Variants in DLGAP2 observed in about 807,000 individuals in gnomAD.
The protein encoded by DLGAP2 is disks large-associated protein 2.
In DLGAP2, 26 loss-of-function variants were observed where a neutral mutation model predicts 100.3. The ratio of observed to expected loss-of-function variants is 0.26; its 90% CI spans 0.19 to 0.36. DLGAP2 has a LOEUF of 0.36. Among genes scored for constraint, DLGAP2 ranks in the 10% least tolerant of loss-of-function variants. DLGAP2 has a pLI of 1.00. For missense variants in DLGAP2, 1,858 were observed against 1,453.2 expected (o/e 1.28, Z -4.53); for synonymous variants, 886 against 630.1 (o/e 1.41, Z -6.08).
intron 10 of DLGAP2, among the ~76,000 whole-genome samples, chr8:1,674,225 T>G (rs924227545): frequency 6.6e-6 from 1 of 152,156 alleles, no homozygotes; most frequent in Non-Finnish European, 1.5e-5. Context: ...TTTCTTTTTT[T>G]GTAGAGATGG....
At chr8:1,560,957 G>A (rs1369919731) in intron 5 of DLGAP2, among the ~76,000 whole-genome samples, 2 of 152,168 alleles carry the variant, frequency 1.3e-5, no homozygotes, top group African/African-American at 4.8e-5. Flanking sequence ...ACCCGATATG[G>A]TTTGTGTCCC....
intron 2 of DLGAP2, among the ~76,000 whole-genome samples, chr8:1,203,309 A>T (rs1310784604): frequency 6.7e-6 from 1 of 149,096 alleles, no homozygotes; most frequent in African/African-American, 2.5e-5. Context: ...AATCCATGAG[A>T]CTGGCGTGTC....
At chr8:779,189 C>A (rs1413973736) in intron 1 of DLGAP2, among the ~76,000 whole-genome samples, 1 of 152,258 alleles carries the variant, frequency 6.6e-6, no homozygotes, top group Non-Finnish European at 1.5e-5. Flanking sequence ...ATGCCTCGCC[C>A]TGCTTCGGCT....
chr8:1,225,109 G>A (rs1020555787), intron 2 of DLGAP2, among the ~76,000 whole-genome samples: 24 of 152,162 alleles, frequency 1.6e-4, no homozygotes, highest in African/African-American at 5.5e-4. Context: ...CTGGAAATAG[G>A]TGCCCAAACC....
At chr8:1,271,367 G>A (rs1015281461) in intron 3 of DLGAP2, among the ~76,000 whole-genome samples, 6 of 152,114 alleles carry the variant, frequency 3.9e-5, no homozygotes, top group African/African-American at 1.4e-4. Context: ...CACAATGCAT[G>A]GCACACACTG....
intron 1 of DLGAP2, among the ~76,000 whole-genome samples, chr8:826,358 T>A (rs1253797856): frequency 6.6e-6 from 1 of 152,214 alleles, no homozygotes; most frequent in Non-Finnish European, 1.5e-5. Flanking sequence ...TTCATTGTTG[T>A]GTTTATGTTC....
chr8:1,003,450 C>T (rs888170277), intron 2 of DLGAP2: 2 of 152,196 alleles, frequency 1.3e-5, no homozygotes, highest in Non-Finnish European at 2.9e-5. Context: ...CTAATATATC[C>T]ATGGGTGGAT....
intron 2 of DLGAP2, among the ~76,000 whole-genome samples, chr8:1,193,090 G>A (rs1047523451): frequency 3.3e-5 from 5 of 152,076 alleles, no homozygotes; most frequent in African/African-American, 1.2e-4. Context: ...CATTTGGGTT[G>A]CTTCCAAGTC....
intron 4 of DLGAP2, among the ~76,000 whole-genome samples, chr8:1,509,309 A>G (rs1435602537): frequency 3.4e-5 from 5 of 147,226 alleles, no homozygotes; most frequent in African/African-American, 1.3e-4. Context: ...CCGGCCTGGC[A>G]ACAGAGCAAG....
intron 3 of DLGAP2, among the ~76,000 whole-genome samples, chr8:1,452,093 T>C (rs575093068): frequency 4.6e-5 from 7 of 152,368 alleles, no homozygotes; most frequent in African/African-American, 1.7e-4. Flanking sequence ...CTGGGCATGG[T>C]TGTAGCGAAC....
intron 2 of DLGAP2, among the ~76,000 whole-genome samples, chr8:1,017,455 T>C (rs796457532): frequency 0.021 from 353 of 17,128 alleles, 10 homozygotes; most frequent in East Asian, 0.096. Flanking sequence ...GGACAGACGG[T>C]GCCTCCACTG....
At chr8:855,699 C>T (rs17667079) in intron 1 of DLGAP2, among the ~76,000 whole-genome samples, 16,426 of 152,120 alleles carry the variant, frequency 0.11, 1,364 homozygotes, top group Admixed American at 0.26. Context: ...TTTTGAGGCC[C>T]TACAAAACAG....
At chr8:1,528,406 A>G (rs1310173184) in intron 4 of DLGAP2, among the ~76,000 whole-genome samples, 2 of 152,200 alleles carry the variant, frequency 1.3e-5, no homozygotes, top group Non-Finnish European at 2.9e-5. Flanking sequence ...GTAAAGCAAA[A>G]CAGAAGACGT....
At chr8:1,422,573 A>AG (rs894968014) in intron 3 of DLGAP2, among the ~76,000 whole-genome samples, 18 of 150,824 alleles carry the variant, frequency 1.2e-4, no homozygotes, top group African/African-American at 2.7e-4. Context: ...AAAAAAAAAA[A>AG]AAAAGGTGTG....
chr8:1,393,031 G>T (rs1224989917), intron 3 of DLGAP2, among the ~76,000 whole-genome samples: 1 of 54,436 alleles, frequency 1.8e-5, no homozygotes. Flanking sequence ...GTCCTCCTGA[G>T]TCGTGTATTG....
intron 8 of DLGAP2, among the ~76,000 whole-genome samples, chr8:1,662,016 C>A (rs960120634): frequency 1.3e-5 from 2 of 152,176 alleles, no homozygotes; most frequent in Non-Finnish European, 2.9e-5. Context: ...TGCTGTGCCA[C>A]AGCAAGACCT....
chr8:1,504,277 T>C (rs1799824553), intron 4 of DLGAP2, among the ~76,000 whole-genome samples: 1 of 152,218 alleles, frequency 6.6e-6, no homozygotes, highest in African/African-American at 2.4e-5. Context: ...TATTAAGTTA[T>C]ATTCACGGAT....
At chr8:1,614,648 C>T (rs571999406) in intron 6 of DLGAP2, among the ~76,000 whole-genome samples, 1 of 152,360 alleles carries the variant, frequency 6.6e-6, no homozygotes, top group East Asian at 1.9e-4. Context: ...GTGCTGGGCT[C>T]CCCAAACCAA....
intron 4 of DLGAP2, among the ~76,000 whole-genome samples, chr8:1,524,391 C>T (rs1024216436): frequency 3.3e-5 from 5 of 152,134 alleles, no homozygotes; most frequent in Non-Finnish European, 5.9e-5. Context: ...TCACATTTAG[C>T]GTTGTTTGCA....
Sources: gnomAD v4.1 joint callset for allele counts (sites outside exome capture counted in the v4.1 genomes callset) on GRCh38, gnomAD v4.1.1 for gene constraint, MANE v1.5 for transcripts, NCBI Gene and HGNC (gene_info 2026-07-23, HGNC 2026-07-21) for gene names.